CD59: variants seen among roughly 807,000 people sequenced by gnomAD.
The protein encoded by CD59 is CD59 glycoprotein.
A neutral mutation model predicts 7.0 loss-of-function variants in CD59; 3 were observed. The observed-to-expected ratio is 0.43, with a 90% CI of 0.19 to 1.10. CD59 has a LOEUF of 1.10. Among genes scored for constraint, CD59 ranks in the 50% least tolerant of loss-of-function variants. The pLI is 0.29. For missense variants in CD59, 143 were observed against 151.0 expected (o/e 0.95, Z 0.28); for synonymous variants, 60 against 62.0 (o/e 0.97, Z 0.15).
chr11:33,710,465 A>T, intron 3 of CD59, 122 bp from the exon 4 acceptor site: 1 of 780,420 alleles, frequency 1.3e-6, no homozygotes, highest in Non-Finnish European at 2.3e-6. Flanking sequence ...CAAGATGCTC[A>T]TCCCAGGTGG....
intron 3 of CD59, among the ~76,000 whole-genome samples, chr11:33,716,401 G>C (rs978916270): frequency 2.0e-4 from 30 of 152,266 alleles, no homozygotes; most frequent in African/African-American, 4.8e-4. Context: ...GTTGACACTG[G>C]GGGGAGCTGG....
intron 2 of CD59, among the ~76,000 whole-genome samples, chr11:33,721,427 C>G (rs1163011995): frequency 6.6e-6 from 1 of 152,328 alleles, no homozygotes; most frequent in East Asian, 1.9e-4. Flanking sequence ...TGTTAATATT[C>G]TAAGACATGC....
chr11:33,730,999 G>A (rs902887417), intron 1 of CD59, among the ~76,000 whole-genome samples: 7 of 152,078 alleles, frequency 4.6e-5, no homozygotes, highest in African/African-American at 1.2e-4. Context: ...TCTTCCTTAC[G>A]ATTTTCTAAG....
At chr11:33,733,137 T>C (rs1304163015) in intron 1 of CD59, among the ~76,000 whole-genome samples, 1 of 152,170 alleles carries the variant, frequency 6.6e-6, no homozygotes, top group African/African-American at 2.4e-5. Context: ...GACTATATTC[T>C]ACCAGGAACC....
chr11:33,716,267 T>C (rs1048604677), intron 3 of CD59, among the ~76,000 whole-genome samples: 3 of 152,178 alleles, frequency 2.0e-5, no homozygotes, highest in African/African-American at 7.2e-5. Flanking sequence ...CTATAATTTG[T>C]CTTTAGTTAT....
intron 3 of CD59, chr11:33,711,293 C>G: frequency 1.6e-6 from 1 of 641,126 alleles, no homozygotes; most frequent in Non-Finnish European, 2.8e-6. Context: ...ATGGCAAGAC[C>G]CCCTCTCTAT....
intron 2 of CD59, chr11:33,719,128 C>A (rs1454323306): frequency 6.6e-6 from 1 of 152,160 alleles, no homozygotes; most frequent in Non-Finnish European, 1.5e-5. Flanking sequence ...GGTTTATCAC[C>A]ATGGAAATAG....
chr11:33,730,718 G>T (rs1411264219), intron 1 of CD59, among the ~76,000 whole-genome samples: 4 of 145,446 alleles, frequency 2.8e-5, no homozygotes, highest in African/African-American at 9.8e-5. Flanking sequence ...CAGTTCTTGA[G>T]TATTTTCTTT....
intron 3 of CD59, among the ~76,000 whole-genome samples, chr11:33,716,510 A>G (rs553274165): frequency 2.0e-5 from 3 of 152,284 alleles, no homozygotes; most frequent in African/African-American, 7.2e-5. Flanking sequence ...CACTAAGAAC[A>G]TTCTGAAACT....
Position 33,722,416 on chromosome 11 carries a change from G to T in CD59, c.30C>A (p.Phe10Leu). The change falls in exon 2 of 4, where the codon TTC becomes TTA. Residue 10 changes from phenylalanine to leucine, a missense_variant. Coordinates refer to ENST00000642928, the MANE Select transcript of CD59 (RefSeq NM_000611.6). ...AGACAGCCAGGACGAGCAGCAGCCC[G>T]AACAGGACAGACCCTCCTTGGATTC... The part of the protein sequence containing the change: MGIQGGSVL[F>L]GLLLVLAVFC... 6.2e-7 allele frequency: 1 copy of T among 1,614,052 alleles called. No individual in the cohort carries two copies. Among genetic ancestry groups the T allele is most frequent in the African/African-American group, 1.3e-5 (1 of 75,064 alleles).
chr11:33,710,224 T>TA lies in CD59; in HGVS notation c.288dup (p.Asn97Ter). 6.2e-7 allele frequency: 1 copy of TA among 1,614,166 alleles called. No homozygotes were observed. The highest frequency in any genetic ancestry group is 1.1e-5 in the South Asian group (1 of 91,088). On this transcript the variant is annotated frameshift_variant, in exon 4 of 4. Coordinates refer to ENST00000642928, the MANE Select transcript of CD59 (RefSeq NM_000611.6). LOFTEE classifies it low-confidence loss of function (END_TRUNC). Reference sequence around the variant, plus strand: ...GTCCCACCATTTTCAAGCTGTTCGTTAAAGTTACACAGGTCCTTCTTGCAG... The same window carrying TA: ...GTCCCACCATTTTCAAGCTGTTCGTTAAAAGTTACACAGGTCCTTCTTGCAG...
intron 1 of CD59, chr11:33,722,997 G>A: frequency 9.8e-7 from 1 of 1,018,528 alleles, no homozygotes; most frequent in Middle Eastern, 4.9e-4. Flanking sequence ...GAGAGGTATT[G>A]AGCAACTTTG....
chr11:33,717,805 T>C, intron 2 of CD59: 1 of 347,960 alleles, frequency 2.9e-6, no homozygotes, highest in Non-Finnish European at 5.6e-6. Context: ...CAGAATTCTA[T>C]AAGTGTCTTC....
intron 2 of CD59, among the ~76,000 whole-genome samples, chr11:33,722,148 T>C (rs988710937): frequency 2.0e-5 from 3 of 152,242 alleles, no homozygotes; most frequent in Admixed American, 2.0e-4. Context: ...GACCCACCCC[T>C]GCCAAAAGCC....
chr11:33,710,067 CAAGA>C lies in CD59; in HGVS notation c.*55_*58del. Reference sequence around the variant, plus strand: ...ATATCAAGCCTTTAGAATGTGGCAGCAAGAGAAAGCGGACTACGCAGGAACGGGG... The same window carrying C: ...ATATCAAGCCTTTAGAATGTGGCAGCGAAAGCGGACTACGCAGGAACGGGG... On this transcript the variant is annotated 3_prime_UTR_variant, in exon 4 of 4. Transcript: ENST00000642928. The C allele has an allele frequency of 7.9e-7, 1 of 1,272,030 alleles. No homozygotes were observed. Among genetic ancestry groups the C allele is most frequent in the Admixed American group, 1.9e-5 (1 of 52,266 alleles). The allele number at this position is 1,272,030 out of a possible 1,614,324, so 78.8% of individuals were successfully genotyped here. A position where few individuals can be genotyped will look rare whatever the true frequency, so the allele number is the denominator to read the frequency against.
intron 1 of CD59, among the ~76,000 whole-genome samples, chr11:33,725,842 T>C (rs1043929306): frequency 2.0e-5 from 3 of 152,118 alleles, no homozygotes; most frequent in Non-Finnish European, 4.4e-5. Context: ...AATTAAGATC[T>C]GCCAAGCAAA....
At chr11:33,731,075 A>C (rs1359518184) in intron 1 of CD59, among the ~76,000 whole-genome samples, 2 of 152,172 alleles carry the variant, frequency 1.3e-5, no homozygotes, top group African/African-American at 4.8e-5. Flanking sequence ...ATAACACACC[A>C]AATGTGTGTT....
intron 2 of CD59, 113 bp downstream of exon 2, chr11:33,722,266 G>T: frequency 1.2e-6 from 1 of 800,752 alleles, no homozygotes; most frequent in Non-Finnish European, 2.2e-6. Flanking sequence ...ACACTGGAAG[G>T]CAAAAGAACC....
At chr11:33,735,646 G>A (rs1276980190) in intron 1 of CD59, among the ~76,000 whole-genome samples, 1 of 152,056 alleles carries the variant, frequency 6.6e-6, no homozygotes, top group African/African-American at 2.4e-5. Flanking sequence ...GGCCGGGCGC[G>A]GTGGCTCACA....
Sources: gnomAD v4.1 joint callset for allele counts (sites outside exome capture counted in the v4.1 genomes callset) on GRCh38, gnomAD v4.1.1 for gene constraint, MANE v1.5 for transcripts, NCBI Gene and HGNC (gene_info 2026-07-23, HGNC 2026-07-21) for gene names.